HPCA: variants seen among roughly 807,000 people sequenced by gnomAD.
HPCA encodes hippocalcin.
Under a neutral mutation model 18.2 loss-of-function variants are expected in HPCA, and 4 were observed. That is an observed-to-expected ratio of 0.22 (90% confidence interval 0.11 to 0.50). The LOEUF (loss-of-function observed/expected upper bound fraction) is 0.50. Among genes scored for constraint, HPCA ranks in the 20% least tolerant of loss-of-function variants. The pLI is 0.97. For synonymous variants in HPCA, 93 were observed against 103.5 expected (o/e 0.90, Z 0.61); for missense variants, 161 against 265.8 (o/e 0.61, Z 2.74).
rs1420815682 is a variant in HPCA at position 32,893,116 on chromosome 1, C to G, written c.379-408C>G. Among the ~76,000 whole-genome samples, 3 of 151,734 alleles carry G rather than the reference C, an allele frequency of 2.0e-5. No individual in the cohort carries two copies. Among genetic ancestry groups the G allele is most frequent in the African/African-American group, 4.8e-5 (2 of 41,440 alleles). The stretch of plus-strand genomic sequence containing the variant: ...CCCCTTTCGACCACCGAGCGCGGGC[C>G]GCCCTGGGCCCGGGTGCCAGCCCGG... On this transcript the variant is annotated intron_variant, in intron 2 of 3. Coordinates refer to ENST00000373467, the MANE Select transcript of HPCA (RefSeq NM_002143.3). This position sits in a 1 kb window ranked among gnomAD's most constrained non-coding sequence, Gnocchi z 7.5.
Position 32,893,940 on chromosome 1 carries a change from C to A in HPCA, c.*78C>A. On this transcript the variant is annotated 3_prime_UTR_variant, in exon 4 of 4. Transcript: ENST00000373467. The surrounding 1 kb of genome is among the most constrained non-coding windows in gnomAD (Gnocchi z 7.5). The stretch of plus-strand genomic sequence containing the variant: ...TAGCTTCCACTCCCTTGTGTGTATT[C>A]TGGCTGGGGGCCAGATTGGGGAAGC... 1.8e-6 allele frequency: 2 copies of A among 1,095,774 alleles called. No homozygotes were observed. Among genetic ancestry groups the A allele is most frequent in the Non-Finnish European group, 1.3e-6 (1 of 746,202 alleles). The allele number at this position is 1,095,774 out of a possible 1,614,324, so 67.9% of individuals were successfully genotyped here.
At chr1:32,888,264 G>C (rs1326937020) in intron 1 of HPCA, among the ~76,000 whole-genome samples, 2 of 152,172 alleles carry the variant, frequency 1.3e-5, no homozygotes, top group Admixed American at 6.5e-5. Flanking sequence ...TCAAACCTAG[G>C]TGATCTGACT....
rs1557542542 is a variant in HPCA, at chr1:32,894,051, A to AC, written c.*195dup. 5 of 581,068 alleles carry AC rather than the reference A, an allele frequency of 8.6e-6. No individual in the cohort carries two copies. Among genetic ancestry groups the AC allele is most frequent in the South Asian group, 6.4e-5 (3 of 46,814 alleles). The allele number at this position is 581,068 out of a possible 1,614,324, so 36.0% of individuals were successfully genotyped here. On this transcript the variant is annotated 3_prime_UTR_variant, in exon 4 of 4. Coordinates refer to ENST00000373467, the MANE Select transcript of HPCA (RefSeq NM_002143.3). ...AGGCCAAAGCAAGTAAGCGGTTAGC[A>AC]CCCCCCAATCCCAGAGGCAACAATA...
At chr1:32,888,633 T>C (rs1319632987) in intron 1 of HPCA, among the ~76,000 whole-genome samples, 1 of 152,102 alleles carries the variant, frequency 6.6e-6, no homozygotes, top group Admixed American at 6.5e-5. Context: ...CCTCAGTAAA[T>C]GTGAACCACC....
In HPCA at chr1:32,888,994, G is replaced by A; in HGVS notation, c.96G>A (p.Lys32=). ...FSELELQEWY[K]GFLKDCPTGI... ...AGCTGGAGCTGCAGGAGTGGTACAA[G>A]GGCTTCCTCAAGGACTGCCCCACAG... The change falls in exon 2 of 4, where the codon AAG becomes AAA. Residue 32 remains lysine, a synonymous_variant. Coordinates refer to ENST00000373467, the MANE Select transcript of HPCA (RefSeq NM_002143.3). 2 of 1,614,104 alleles carry A rather than the reference G, an allele frequency of 1.2e-6. No individual in the cohort carries two copies. The highest frequency in any genetic ancestry group is 2.2e-5 in the East Asian group (1 of 44,884).
At chr1:32,890,636 C>A (rs190062933) in intron 2 of HPCA, among the ~76,000 whole-genome samples, 1 of 152,330 alleles carries the variant, frequency 6.6e-6, no homozygotes, top group Non-Finnish European at 1.5e-5. Flanking sequence ...AGGGCCTTTT[C>A]AGCATCTTTG....
chr1:32,891,823 G>A (rs975135686), intron 2 of HPCA, among the ~76,000 whole-genome samples: 2 of 152,126 alleles, frequency 1.3e-5, no homozygotes, highest in African/African-American at 4.8e-5. Context: ...CATTCATTGA[G>A]CAGTTACTAC....
At chr1:32,888,569 C>T (rs556234588) in intron 1 of HPCA, among the ~76,000 whole-genome samples, 3 of 152,266 alleles carry the variant, frequency 2.0e-5, no homozygotes, top group Non-Finnish European at 4.4e-5. Flanking sequence ...CAACCTGTTG[C>T]GAAAGTGAAT....
In HPCA at chr1:32,894,145, A is replaced by C. The variant is rs1641525623; in HGVS notation, c.*283A>C. Reference sequence around the variant, plus strand: ...ACCCACCCACCAGCCCCAAGGCCCGACCCCTCCCCCAAAGGGGCAGTCCCC... The same window carrying C: ...ACCCACCCACCAGCCCCAAGGCCCGCCCCCTCCCCCAAAGGGGCAGTCCCC... On this transcript the variant is annotated 3_prime_UTR_variant, in exon 4 of 4. Coordinates refer to ENST00000373467, the MANE Select transcript of HPCA (RefSeq NM_002143.3). 2.2e-5 allele frequency: 9 copies of C among 402,960 alleles called. No individual in the cohort carries two copies. Among genetic ancestry groups the C allele is most frequent in the South Asian group, 5.2e-5 (1 of 19,162 alleles). The allele number at this position is 402,960 out of a possible 1,614,324, so 25.0% of individuals were successfully genotyped here. A position where few individuals can be genotyped will look rare whatever the true frequency, so the allele number is the denominator to read the frequency against.
chr1:32,887,279 C>T (rs1641386516), intron 1 of HPCA, among the ~76,000 whole-genome samples: 1 of 152,148 alleles, frequency 6.6e-6, no homozygotes, highest in South Asian at 2.1e-4. Flanking sequence ...GAGGCACATG[C>T]AGGGACATAG....
rs1641378135 is a variant in HPCA, at chr1:32,886,851, C to T, written c.-22+336C>T. Reference sequence around the variant, plus strand: ...TGGAGCGGGTCCCCGGGGCTGGCTTCTCAGGTCGAGCTGAGGGGGTTCTTC... The same window carrying T: ...TGGAGCGGGTCCCCGGGGCTGGCTTTTCAGGTCGAGCTGAGGGGGTTCTTC... On this transcript the variant is annotated intron_variant, in intron 1 of 3. Coordinates refer to ENST00000373467, the MANE Select transcript of HPCA (RefSeq NM_002143.3). The surrounding 1 kb of genome is among the most constrained non-coding windows in gnomAD (Gnocchi z 7.0). Among the ~76,000 whole-genome samples, 1 of 152,118 alleles carries T rather than the reference C, an allele frequency of 6.6e-6. No homozygotes were observed. Among genetic ancestry groups the T allele is most frequent in the Non-Finnish European group, 1.5e-5 (1 of 68,006 alleles).
Position 32,893,673 on chromosome 1 carries a change from T to TTCCAA in HPCA, c.484+44_484+45insTCCAA. 1 of 1,314,122 alleles carries TTCCAA rather than the reference T, an allele frequency of 7.6e-7. No individual in the cohort carries two copies. The highest frequency in any genetic ancestry group is 1.8e-5 in the Admixed American group (1 of 56,052). 81.4% of individuals were successfully genotyped at this position (1,314,122 alleles called of 1,614,324 possible). ...ACGGGGTGGACGGGGCGGGCGCCTT[T>TTCCAA]CCCTCCCTCCCTCCCTGCCTCCCTT... is the stretch of plus-strand genomic sequence containing the variant. On this transcript the variant is annotated intron_variant, in intron 3 of 3. Coordinates refer to ENST00000373467, the MANE Select transcript of HPCA (RefSeq NM_002143.3). The surrounding 1 kb of genome is among the most constrained non-coding windows in gnomAD (Gnocchi z 7.5).
In HPCA at chr1:32,893,154, A is replaced by C. The variant is rs1641492478; in HGVS notation, c.379-370A>C. Among the ~76,000 whole-genome samples, 2 of 138,290 alleles carry C rather than the reference A, an allele frequency of 1.4e-5. No homozygotes were observed. Among genetic ancestry groups the C allele is most frequent in the Admixed American group, 7.8e-5 (1 of 12,844 alleles). The allele number at this position is 138,290 out of a possible 152,430, so 90.7% of individuals were successfully genotyped here. On this transcript the variant is annotated intron_variant, in intron 2 of 3. Transcript: ENST00000373467. This position sits in a 1 kb window ranked among gnomAD's most constrained non-coding sequence, Gnocchi z 7.5. ...GGTGCCAGCCCGGTACTTACCCCCGACGCGCGTGCCCCGGGGCACGCGCTC... is the reference window on the plus strand; with the variant it reads ...GGTGCCAGCCCGGTACTTACCCCCGCCGCGCGTGCCCCGGGGCACGCGCTC...
chr1:32,889,295 C>G lies in HPCA; in HGVS notation c.378+19C>G, dbSNP rs779047108. 6.3e-7 allele frequency: 1 copy of G among 1,597,114 alleles called. No individual in the cohort carries two copies. The highest frequency in any genetic ancestry group is 8.5e-7 in the Non-Finnish European group (1 of 1,169,900). Reference sequence around the variant, plus strand: ...CGTGCAGGTGGGCCCCTGGGCCCCTCAGAATGCCAGGCACAGGGCCCGGCA... The same window carrying G: ...CGTGCAGGTGGGCCCCTGGGCCCCTGAGAATGCCAGGCACAGGGCCCGGCA... On this transcript the variant is annotated intron_variant, in intron 2 of 3. Coordinates refer to ENST00000373467, the MANE Select transcript of HPCA (RefSeq NM_002143.3). The surrounding 1 kb of genome is among the most constrained non-coding windows in gnomAD (Gnocchi z 4.6).
At chr1:32,887,873 G>A (rs1641396217) in intron 1 of HPCA, among the ~76,000 whole-genome samples, 1 of 152,052 alleles carries the variant, frequency 6.6e-6, no homozygotes, top group Admixed American at 6.6e-5. Flanking sequence ...CGTGTGAGTT[G>A]TGGAGCAGAG....
chr1:32,890,524 T>A (rs1557540289), intron 2 of HPCA, among the ~76,000 whole-genome samples: 1 of 152,214 alleles, frequency 6.6e-6, no homozygotes, highest in Non-Finnish European at 1.5e-5. Flanking sequence ...TAGAGTGAGA[T>A]AAGGACTTGA....
At chr1:32,892,832 A>T (rs546138423) in intron 2 of HPCA, among the ~76,000 whole-genome samples, 1 of 152,282 alleles carries the variant, frequency 6.6e-6, no homozygotes, top group African/African-American at 2.4e-5. Flanking sequence ...GCCAAGCCCT[A>T]CGTGCTCTGT....
chr1:32,888,859 G>A lies in HPCA; in HGVS notation c.-21-19G>A. 35 of 1,578,088 alleles carry A rather than the reference G, an allele frequency of 2.2e-5. No individual in the cohort carries two copies. Among genetic ancestry groups the A allele is most frequent in the Non-Finnish European group, 2.8e-5 (33 of 1,163,442 alleles). ...GGCCTGATCACTCCTCTCTGCCCTTGACCCCCTTGGGGACCCAGGTGGGAC... is the reference window on the plus strand; with the variant it reads ...GGCCTGATCACTCCTCTCTGCCCTTAACCCCCTTGGGGACCCAGGTGGGAC... On this transcript the variant is annotated intron_variant, in intron 1 of 3. Transcript: ENST00000373467.
intron 2 of HPCA, among the ~76,000 whole-genome samples, chr1:32,891,101 G>A (rs1211579458): frequency 6.6e-6 from 1 of 152,198 alleles, no homozygotes; most frequent in African/African-American, 2.4e-5. Context: ...GAGCCACCAC[G>A]CCCGGGTGTC....
Sources: gnomAD v4.1 joint callset for allele counts (sites outside exome capture counted in the v4.1 genomes callset) on GRCh38, gnomAD v4.1.1 for gene constraint, Gnocchi (gnomAD v3.1) non-coding constraint, MANE v1.5 for transcripts, NCBI Gene and HGNC (gene_info 2026-07-23, HGNC 2026-07-21) for gene names.